Variants in CTNND1 observed in about 807,000 individuals in gnomAD.
The protein encoded by CTNND1 is catenin delta-1.
In CTNND1, 16 loss-of-function variants were observed where a neutral mutation model predicts 112.1. The ratio of observed to expected loss-of-function variants is 0.14; its 90% CI spans 0.10 to 0.22. The LOEUF is 0.22. Among genes scored for constraint, CTNND1 ranks in the 10% least tolerant of loss-of-function variants. CTNND1 has a pLI of 1.00. For missense variants in CTNND1, 1,008 were observed against 1,257.0 expected (o/e 0.80, Z 3.00); for synonymous variants, 420 against 446.5 (o/e 0.94, Z 0.75).
At chr11:57,787,300 T>C (rs2060241133) in intron 1 of CTNND1, among the ~76,000 whole-genome samples, 1 of 152,144 alleles carries the variant, frequency 6.6e-6, no homozygotes, top group African/African-American at 2.4e-5. Context: ...TTCTAGTAAA[T>C]AGATTAGGAG....
intron 19 of CTNND1, 191 bp downstream of exon 19, chr11:57,815,691 G>T: frequency 1.3e-6 from 1 of 786,234 alleles, no homozygotes. Flanking sequence ...TCAAAATGGG[G>T]GAAGCATGTC....
chr11:57,805,637 G>A, intron 9 of CTNND1, among the ~76,000 whole-genome samples: 1 of 152,040 alleles, frequency 6.6e-6, no homozygotes, highest in East Asian at 1.9e-4. Context: ...TAAGAATGAT[G>A]ATCCAATTTC....
intron 1 of CTNND1, among the ~76,000 whole-genome samples, chr11:57,778,747 G>C (rs2059270514): frequency 1.3e-5 from 2 of 152,212 alleles, no homozygotes; most frequent in Admixed American, 1.3e-4. Context: ...ACTGTGGTCT[G>C]GTGCTACTGT....
At chr11:57,814,008 G>GT in intron 17 of CTNND1, 1 of 214,860 alleles carries the variant, frequency 4.7e-6, no homozygotes, top group East Asian at 1.0e-4. Flanking sequence ...AGATGGAATT[G>GT]TTTTTTGATT....
intron 1 of CTNND1, among the ~76,000 whole-genome samples, chr11:57,775,344 A>AC (rs533962028): frequency 2.9e-5 from 4 of 139,464 alleles, no homozygotes; most frequent in South Asian, 2.3e-4. Flanking sequence ...AAAAAAAAAA[A>AC]AACAACACAC....
intron 15 of CTNND1, 40 bp downstream of exon 15, chr11:57,809,506 G>A (rs1289303877): frequency 1.3e-6 from 2 of 1,545,436 alleles, no homozygotes; most frequent in African/African-American, 1.4e-5. Flanking sequence ...AAGAATTTGA[G>A]TGAGTGGAGA....
intron 1 of CTNND1, among the ~76,000 whole-genome samples, chr11:57,764,637 G>GT (rs1346573718): frequency 1.3e-5 from 2 of 151,874 alleles, no homozygotes; most frequent in Admixed American, 6.6e-5. Context: ...CCCACCACTG[G>GT]TTTTTTTGTT....
At chr11:57,782,918 AGGGACTT>A (rs1274453240) in intron 1 of CTNND1, among the ~76,000 whole-genome samples, 1 of 152,224 alleles carries the variant, frequency 6.6e-6, no homozygotes, top group Non-Finnish European at 1.5e-5. Context: ...AATCAGCTTC[AGGGACTT>A]GGAATTAACA....
In CTNND1 at chr11:57,808,418, G is replaced by C. The variant is rs373664724; in HGVS notation, c.2120G>C (p.Arg707Pro). The C allele has an allele frequency of 2.5e-6, 4 of 1,611,394 alleles. No homozygotes were observed. The highest frequency in any genetic ancestry group is 3.4e-6 in the Non-Finnish European group (4 of 1,178,586). ...GGTCGATACATCCGCTCTGCTCTGC[G>C]TCAAGAGAAGGCTCTTTCTGCCATA... ...TYGRYIRSAL[R>P]QEKALSAIAD... Residue 707 changes from arginine (R) to proline (P), a missense_variant, in exon 14 of 21, where the codon CGT becomes CCT. Transcript: ENST00000399050.
Position 57,808,183 on chromosome 11 carries a change from A to G in CTNND1, c.1982A>G (p.Gln661Arg). The G allele has an allele frequency of 1.2e-6, 2 of 1,612,864 alleles. No individual in the cohort carries two copies. The highest frequency in any genetic ancestry group is 1.7e-6 in the Non-Finnish European group (2 of 1,179,070). Residue 661 changes from glutamine (Q) to arginine (R), a missense_variant, in exon 13 of 21, where the codon CAG (glutamine) becomes CGG (arginine). Gln to Arg is a conservative substitution (Grantham distance 43). Transcript: ENST00000399050. ...TGTGCAGGCTATGAGCTCTTATTTC[A>G]GCCAGAGGTGGTTCGGATATACATC... The part of the protein sequence containing the change: ...SPARGYELLF[Q>R]PEVVRIYISL...
chr11:57,794,430 A>G (rs1383169493), intron 4 of CTNND1, among the ~76,000 whole-genome samples: 1 of 152,192 alleles, frequency 6.6e-6, no homozygotes, highest in African/African-American at 2.4e-5. Context: ...CGGTATCTGA[A>G]GAGTAACATA....
chr11:57,814,938 G>A (rs1481778632), intron 18 of CTNND1, among the ~76,000 whole-genome samples: 1 of 151,706 alleles, frequency 6.6e-6, no homozygotes, highest in Non-Finnish European at 1.5e-5. Flanking sequence ...TCATATTCTG[G>A]GTATTTTATA....
At chr11:57,787,439 AC>A (rs1304709180) in intron 1 of CTNND1, among the ~76,000 whole-genome samples, 1 of 152,212 alleles carries the variant, frequency 6.6e-6, no homozygotes, top group African/African-American at 2.4e-5. Context: ...GAAGTGTTAA[AC>A]CAACTTTTGA....
At chr11:57,790,683 G>A (rs1394386218) in intron 2 of CTNND1, among the ~76,000 whole-genome samples, 1 of 148,858 alleles carries the variant, frequency 6.7e-6, no homozygotes. Context: ...TCAGCCTCCC[G>A]AGTAGCTGGA....
chr11:57,800,897 A>T (rs2137093853), intron 6 of CTNND1, among the ~76,000 whole-genome samples: 1 of 152,282 alleles, frequency 6.6e-6, no homozygotes, highest in East Asian at 1.9e-4. Flanking sequence ...AACAGGAAGA[A>T]TTGTCTCCTG....
rs2064096094 is a variant in CTNND1, at chr11:57,818,601, A to G, written c.*2293A>G. 1 of 152,400 alleles carries G rather than the reference A, an allele frequency of 6.6e-6. No homozygotes were observed. The highest frequency in any genetic ancestry group is 2.4e-5 in the African/African-American group (1 of 41,440). The allele number at this position is 152,400 out of a possible 1,614,324, so 9.4% of individuals were successfully genotyped here. A position where few individuals can be genotyped will look rare whatever the true frequency, so the allele number is the denominator to read the frequency against. ...TGAGCTCAGCCCCAACTCTTTATCA[A>G]GCAACATTCTTGTTAACTATATGTG... On this transcript the variant is annotated 3_prime_UTR_variant, in exon 21 of 21. Transcript: ENST00000399050.
intron 18 of CTNND1, 128 bp downstream of exon 18, chr11:57,814,501 T>C: frequency 1.5e-6 from 1 of 659,048 alleles, no homozygotes; most frequent in African/African-American, 1.8e-5. Context: ...TGGCTGATCA[T>C]TTCCATTTTG....
chr11:57,806,831 C>T (rs1291482761), intron 11 of CTNND1, 84 bp from the exon 12 acceptor site: 5 of 1,206,786 alleles, frequency 4.1e-6, no homozygotes, highest in Non-Finnish European at 6.0e-6. Context: ...AAGGTTCTGA[C>T]TGAAGGATGA....
intron 1 of CTNND1, among the ~76,000 whole-genome samples, chr11:57,778,749 T>TGCTA (rs2059271622): frequency 6.6e-6 from 1 of 152,204 alleles, no homozygotes; most frequent in Non-Finnish European, 1.5e-5. Flanking sequence ...TGTGGTCTGG[T>TGCTA]GCTACTGTGA....
Sources: allele counts gnomAD v4.1 joint callset (sites outside exome capture counted in the v4.1 genomes callset), GRCh38; gene constraint gnomAD v4.1.1; transcripts MANE v1.5; gene names NCBI Gene and HGNC (gene_info 2026-07-23, HGNC 2026-07-21).